HPSE2: variants seen among roughly 807,000 people sequenced by gnomAD.
HPSE2 encodes the protein inactive heparanase-2.
A neutral mutation model predicts 60.5 loss-of-function variants in HPSE2; 38 were observed. That is an observed-to-expected ratio of 0.63 (90% CI 0.48 to 0.82). HPSE2 has a LOEUF of 0.82. HPSE2 is among the 40% of genes least tolerant of loss of function. The pLI is 0.00. For missense variants in HPSE2, 713 were observed against 740.4 expected (o/e 0.96, Z 0.43); for synonymous variants, 295 against 293.2 (o/e 1.01, Z -0.06).
intron 2 of HPSE2, among the ~76,000 whole-genome samples, chr10:99,182,177 T>C (rs1340313478): frequency 6.6e-6 from 1 of 152,238 alleles, no homozygotes; most frequent in Non-Finnish European, 1.5e-5. Context: ...AGGATAATTT[T>C]AAAAGAGACC....
At chr10:98,756,793 T>C (rs1198416957) in intron 3 of HPSE2, among the ~76,000 whole-genome samples, 1 of 151,900 alleles carries the variant, frequency 6.6e-6, no homozygotes, top group Non-Finnish European at 1.5e-5. Flanking sequence ...TTCCAAAAAA[T>C]CCAGGAGAAG....
chr10:98,902,411 A>T (rs1326269568), intron 3 of HPSE2, among the ~76,000 whole-genome samples: 1 of 152,162 alleles, frequency 6.6e-6, no homozygotes, highest in South Asian at 2.1e-4. Context: ...TTAAAGCCCA[A>T]GATCTCAGGT....
In HPSE2 at chr10:99,158,031, T is replaced by A. The variant is rs572973550; in HGVS notation, c.449-13632A>T. ...TCATCATCTCTGGCCATCAAAGAAATGCAAATCAAAACCACAATGAGATAC... is the reference window on the plus strand; with the variant it reads ...TCATCATCTCTGGCCATCAAAGAAAAGCAAATCAAAACCACAATGAGATAC... On this transcript the variant is annotated intron_variant, in intron 2 of 11. Transcript: ENST00000370552. 9.4e-3 allele frequency among the ~76,000 whole-genome samples: 1,374 copies of A among 145,706 alleles called. 21 individuals carry two copies. The highest frequency in any genetic ancestry group is 0.032 in the African/African-American group (1,288 of 40,524).
In HPSE2 at chr10:98,649,147, G is replaced by A. The variant is rs147219460; in HGVS notation, c.1005-7207C>T. On this transcript the variant is annotated intron_variant, in intron 6 of 11. Transcript: ENST00000370552. ...AAAACTCAGTGTTTGTAAATTGGGGGTTGCTTATACTGTTGCCACATCCTT... is the reference window on the plus strand; with the variant it reads ...AAAACTCAGTGTTTGTAAATTGGGGATTGCTTATACTGTTGCCACATCCTT... 2.2e-4 allele frequency among the ~76,000 whole-genome samples: 34 copies of A among 152,292 alleles called. No individual in the cohort carries two copies. In the East Asian group the frequency reaches 6.2e-3, roughly 28 times the overall value.
intron 3 of HPSE2, among the ~76,000 whole-genome samples, chr10:99,032,221 G>A (rs1189839968): frequency 6.6e-6 from 1 of 152,088 alleles, no homozygotes; most frequent in Non-Finnish European, 1.5e-5. Flanking sequence ...TTTGCACATA[G>A]GGCAATATTT....
chr10:98,492,198 C>T (rs910300359), intron 9 of HPSE2, among the ~76,000 whole-genome samples: 1 of 152,192 alleles, frequency 6.6e-6, no homozygotes, highest in East Asian at 1.9e-4. Context: ...AAGCAAGCCA[C>T]TCACATTTGG....
At chr10:99,248,357 T>C in the HPSE2 span, among the ~76,000 whole-genome samples, 1 of 152,090 alleles carries the variant, frequency 6.6e-6, no homozygotes, top group Non-Finnish European at 1.5e-5. Flanking sequence ...AGCAAAGAGG[T>C]TGGAGGCATT....
chr10:99,127,224 C>G (rs984029173), intron 3 of HPSE2, among the ~76,000 whole-genome samples: 3 of 151,812 alleles, frequency 2.0e-5, no homozygotes, highest in Non-Finnish European at 4.4e-5. Flanking sequence ...AATGAGAGAA[C>G]TAACTTAAAG....
At chr10:99,140,678 G>C (rs1440682578) in intron 3 of HPSE2, among the ~76,000 whole-genome samples, 1 of 152,162 alleles carries the variant, frequency 6.6e-6, no homozygotes, top group Non-Finnish European at 1.5e-5. Context: ...GAGGGAGCAA[G>C]GTTAAGGGAG....
intron 3 of HPSE2, among the ~76,000 whole-genome samples, chr10:98,986,048 C>T (rs1321873209): frequency 7.9e-5 from 12 of 152,114 alleles, no homozygotes; most frequent in South Asian, 2.1e-4. Flanking sequence ...TAATGGGAGA[C>T]TTTAACACCC....
chr10:98,771,265 T>G (rs536866229), intron 3 of HPSE2, among the ~76,000 whole-genome samples: 1 of 152,130 alleles, frequency 6.6e-6, no homozygotes, highest in Non-Finnish European at 1.5e-5. Flanking sequence ...ACTCAATCAA[T>G]TAAGCTGGTC....
intron 2 of HPSE2, among the ~76,000 whole-genome samples, chr10:99,171,613 T>A (rs1417955458): frequency 6.6e-6 from 1 of 152,156 alleles, no homozygotes; most frequent in African/African-American, 2.4e-5. Flanking sequence ...TGAGTGCCAA[T>A]TAGAGCCAAT....
At chr10:99,283,250 G>A in the HPSE2 span, among the ~76,000 whole-genome samples, 1 of 138,744 alleles carries the variant, frequency 7.2e-6, no homozygotes, top group Non-Finnish European at 1.6e-5. Context: ...CTAAACTTAA[G>A]GAACTACAAA....
At chr10:98,803,926 T>C (rs993265532) in intron 3 of HPSE2, among the ~76,000 whole-genome samples, 1 of 152,086 alleles carries the variant, frequency 6.6e-6, no homozygotes, top group African/African-American at 2.4e-5. Context: ...ATGGCCATTT[T>C]CATGATATTG....
intron 3 of HPSE2, among the ~76,000 whole-genome samples, chr10:98,940,806 T>C (rs1589399995): frequency 7.1e-6 from 1 of 141,404 alleles, no homozygotes; most frequent in East Asian, 2.0e-4. Context: ...ACCAATATCC[T>C]TGATGAACAT....
At chr10:98,623,852 A>G (rs936153172) in intron 7 of HPSE2, among the ~76,000 whole-genome samples, 1 of 151,398 alleles carries the variant, frequency 6.6e-6, no homozygotes, top group Non-Finnish European at 1.5e-5. Context: ...TGAAAAAAAA[A>G]GTCAAACACA....
chr10:98,865,960 A>G (rs537897442), intron 3 of HPSE2, among the ~76,000 whole-genome samples: 106 of 152,238 alleles, frequency 7.0e-4, no homozygotes, highest in African/African-American at 2.5e-3. Context: ...AGCTCAGAAC[A>G]ATACAAAAAT....
At chr10:98,899,289 A>G (rs1181328989) in intron 3 of HPSE2, among the ~76,000 whole-genome samples, 1 of 152,248 alleles carries the variant, frequency 6.6e-6, no homozygotes. Flanking sequence ...ACAAAAGCAT[A>G]GTCTATTTTA....
rs541590055 is a variant in HPSE2 at position 98,917,809 on chromosome 10, A to C, written c.611-173753T>G. Among the ~76,000 whole-genome samples the C allele has an allele frequency of 8.5e-4, 130 of 152,340 alleles. 1 individual carries two copies. The highest frequency in any genetic ancestry group is 3.0e-3 in the African/African-American group (123 of 41,586). On this transcript the variant is annotated intron_variant, in intron 3 of 11. Coordinates refer to ENST00000370552, the MANE Select transcript of HPSE2 (RefSeq NM_021828.5). The stretch of plus-strand genomic sequence containing the variant: ...ACTTGTACAGGAGAAACTGGTAGGC[A>C]TCCAGCAAGGAAGTTTCATTTCTTT...
Sources: gnomAD v4.1 joint callset for allele counts (sites outside exome capture counted in the v4.1 genomes callset) on GRCh38, gnomAD v4.1.1 for gene constraint, MANE v1.5 for transcripts, NCBI Gene and HGNC (gene_info 2026-07-23, HGNC 2026-07-21) for gene names.